Variants in KIDINS220 observed in about 807,000 individuals in gnomAD.
The protein encoded by KIDINS220 is kinase D interacting substrate 220.
Under a neutral mutation model 157.6 loss-of-function variants are expected in KIDINS220, and 63 were observed. That is an observed-to-expected ratio of 0.40 (90% CI 0.33 to 0.49). The LOEUF (loss-of-function observed/expected upper bound fraction) is 0.49. Ranked by LOEUF, KIDINS220 falls within the 20% of genes least tolerant of loss-of-function variation. KIDINS220 has a pLI of 0.66. For missense variants in KIDINS220, 1,772 were observed against 2,171.2 expected (o/e 0.82, Z 3.65); for synonymous variants, 732 against 783.6 (o/e 0.93, Z 1.10).
At chr2:8,788,386 A>G (rs1268686235) in intron 15 of KIDINS220, among the ~76,000 whole-genome samples, 1 of 151,510 alleles carries the variant, frequency 6.6e-6, no homozygotes, top group African/African-American at 2.4e-5. Flanking sequence ...CTCCTGCTTC[A>G]TCCTTCCAAG....
At chr2:8,821,283 TA>T (rs1677917042) in intron 2 of KIDINS220, among the ~76,000 whole-genome samples, 3 of 152,010 alleles carry the variant, frequency 2.0e-5, no homozygotes, top group Admixed American at 2.0e-4. Flanking sequence ...TTGCAGAAAC[TA>T]TTAGCTGTCC....
intron 22 of KIDINS220, among the ~76,000 whole-genome samples, chr2:8,765,449 G>A (rs1476751014): frequency 6.6e-6 from 1 of 152,068 alleles, no homozygotes; most frequent in African/African-American, 2.4e-5. Flanking sequence ...AGGAAGGAAG[G>A]CAGTTTTTTA....
At chr2:8,809,718 C>T (rs1278539638) in intron 6 of KIDINS220, among the ~76,000 whole-genome samples, 3 of 151,798 alleles carry the variant, frequency 2.0e-5, no homozygotes, top group Admixed American at 1.3e-4. Flanking sequence ...ATGTCTAAAA[C>T]AGACTTCCTT....
intron 22 of KIDINS220, among the ~76,000 whole-genome samples, chr2:8,761,444 G>A (rs1668735560): frequency 6.6e-6 from 1 of 152,034 alleles, no homozygotes; most frequent in African/African-American, 2.4e-5. Flanking sequence ...TAAGCAGATC[G>A]ATTTCTTTAT....
intron 21 of KIDINS220, among the ~76,000 whole-genome samples, chr2:8,774,838 G>A (rs945873042): frequency 6.6e-6 from 1 of 152,226 alleles, no homozygotes; most frequent in African/African-American, 2.4e-5. Flanking sequence ...AGAGTTCTGA[G>A]CAGAGAATAA....
intron 21 of KIDINS220, among the ~76,000 whole-genome samples, chr2:8,771,862 G>A (rs1463868755): frequency 6.6e-6 from 1 of 152,104 alleles, no homozygotes; most frequent in Non-Finnish European, 1.5e-5. Context: ...ATGGAGACAT[G>A]GCTATGCTGG....
At chr2:8,823,417 T>C (rs1435122814) in intron 2 of KIDINS220, among the ~76,000 whole-genome samples, 1 of 145,108 alleles carries the variant, frequency 6.9e-6, no homozygotes. Context: ...TATCAGAAGT[T>C]GTAAAAGCAA....
chr2:8,827,730 T>A (rs932424832), intron 1 of KIDINS220, among the ~76,000 whole-genome samples: 1 of 152,350 alleles, frequency 6.6e-6, no homozygotes, highest in East Asian at 1.9e-4. Context: ...GTGATGAATA[T>A]GTTAATTAGC....
intron 2 of KIDINS220, chr2:8,826,761 G>GA (rs909887481): frequency 3.7e-4 from 109 of 295,768 alleles, no homozygotes; most frequent in Non-Finnish European, 4.4e-4. Flanking sequence ...TCCATCAGGG[G>GA]AAAAAAAACA....
At chr2:8,739,252 T>C (rs1370703740) in intron 26 of KIDINS220, among the ~76,000 whole-genome samples, 3 of 152,208 alleles carry the variant, frequency 2.0e-5, no homozygotes, top group Admixed American at 6.5e-5. Flanking sequence ...ATGTAGAATA[T>C]ATATGTTACC....
intron 6 of KIDINS220, among the ~76,000 whole-genome samples, chr2:8,809,747 G>T (rs1174850273): frequency 6.6e-6 from 1 of 151,664 alleles, no homozygotes; most frequent in African/African-American, 2.4e-5. Flanking sequence ...CTAAAAATCA[G>T]TTCCCATAGA....
chr2:8,755,542 C>A (rs1055389806), intron 22 of KIDINS220, among the ~76,000 whole-genome samples: 1 of 152,212 alleles, frequency 6.6e-6, no homozygotes, highest in Non-Finnish European at 1.5e-5. Context: ...TGTTCTTCCT[C>A]AAGAACTCTA....
chr2:8,800,912 C>T (rs183905114), intron 8 of KIDINS220, among the ~76,000 whole-genome samples: 2 of 152,154 alleles, frequency 1.3e-5, no homozygotes, highest in East Asian at 3.9e-4. Flanking sequence ...GCCATGAATT[C>T]TAAAAAAACG....
rs1663875446 is a variant in KIDINS220 at position 8,730,403 on chromosome 2, A to C, written c.*317T>G. The C allele has an allele frequency of 5.4e-6, 6 of 1,110,684 alleles. No individual in the cohort carries two copies. Among genetic ancestry groups the C allele is most frequent in the Non-Finnish European group, 6.6e-6 (6 of 912,046 alleles). The allele number at this position is 1,110,684 out of a possible 1,614,324, so 68.8% of individuals were successfully genotyped here. A position where few individuals can be genotyped will look rare whatever the true frequency, so the allele number is the denominator to read the frequency against. ...TCTTTTTGGCACATTAAGCCCTTTA[A>C]AATACTTCTGACCTATCTTTATACT... is the stretch of plus-strand genomic sequence containing the variant. On this transcript the variant is annotated 3_prime_UTR_variant, in exon 30 of 30. Coordinates refer to ENST00000256707, the MANE Select transcript of KIDINS220 (RefSeq NM_020738.4).
chr2:8,806,984 T>A (rs1469455871), intron 6 of KIDINS220, among the ~76,000 whole-genome samples: 1 of 152,204 alleles, frequency 6.6e-6, no homozygotes, highest in Non-Finnish European at 1.5e-5. Flanking sequence ...TGAAACAGAA[T>A]TTAAAGTCCA....
At chr2:8,765,489 T>C (rs1442838127) in intron 22 of KIDINS220, among the ~76,000 whole-genome samples, 1 of 152,034 alleles carries the variant, frequency 6.6e-6, no homozygotes, top group Non-Finnish European at 1.5e-5. Context: ...TATAAATCCA[T>C]CATTAAAAAA....
At chr2:8,756,900 G>A (rs966838858) in intron 22 of KIDINS220, among the ~76,000 whole-genome samples, 29 of 152,192 alleles carry the variant, frequency 1.9e-4, no homozygotes, top group African/African-American at 7.0e-4. Flanking sequence ...TTTAACTTAG[G>A]AGGGATAATT....
At chr2:8,832,046 A>C (rs1160621132) in intron 1 of KIDINS220, among the ~76,000 whole-genome samples, 1 of 152,174 alleles carries the variant, frequency 6.6e-6, no homozygotes, top group African/African-American at 2.4e-5. Context: ...TTAAATATCC[A>C]ATTGCAGAAT....
chr2:8,757,652 T>C, intron 22 of KIDINS220: 1 of 1,611,448 alleles, frequency 6.2e-7, no homozygotes, highest in Non-Finnish European at 8.5e-7. Context: ...TCTGAGGGAG[T>C]CATGGCCTGT....
Sources: gnomAD v4.1 joint callset for allele counts (sites outside exome capture counted in the v4.1 genomes callset) on GRCh38, gnomAD v4.1.1 for gene constraint, MANE v1.5 for transcripts, NCBI Gene and HGNC (gene_info 2026-07-23, HGNC 2026-07-21) for gene names.